RBM10: variants seen among roughly 807,000 people sequenced by gnomAD.
RBM10 encodes RNA binding motif protein 10, also known as RNA-binding protein 10.
A neutral mutation model predicts 84.9 loss-of-function variants in RBM10; 1 was observed. The ratio of observed to expected loss-of-function variants is 0.01; its 90% CI spans 0.00 to 0.06. The LOEUF is 0.06. Among genes scored for constraint, RBM10 ranks in the 10% least tolerant of loss-of-function variants. RBM10 has a pLI of 1.00. For missense variants in RBM10, 438 were observed against 839.0 expected (o/e 0.52, Z 5.90); for synonymous variants, 326 against 344.5 (o/e 0.95, Z 0.60).
intron 12 of RBM10, 59 bp from the exon 13 acceptor site, chrX:47,181,155 TC>T: frequency 7.6e-6 from 1 of 131,790 alleles, no homozygotes; most frequent in Non-Finnish European, 1.5e-5. Flanking sequence ...TCTAGCAGGT[TC>T]CCCACCCCCC....
chrX:47,179,485 C>T lies in RBM10; in HGVS notation c.891C>T (p.Asn297=), dbSNP rs954285694. ...LSQGSEPSSE[N]ANDTIILRNL... ...AGGGCTCGGAGCCAAGCTCAGAGAA[C>T]GCCAATGACAGTGAGTCAGTTGTTC... Residue 297 remains asparagine, a synonymous_variant, in exon 9 of 24, where the codon AAC becomes AAT. Coordinates refer to ENST00000377604, the MANE Select transcript of RBM10 (RefSeq NM_005676.5). The T allele has an allele frequency of 1.7e-6, 2 of 1,200,582 alleles. No homozygotes were observed. Among genetic ancestry groups the T allele is most frequent in the South Asian group, 1.8e-5 (1 of 56,644 alleles).
chrX:47,171,888 C>T (rs986523103), intron 4 of RBM10, among the ~76,000 whole-genome samples: 8 of 111,684 alleles, frequency 7.2e-5, no homozygotes, highest in Non-Finnish European at 1.5e-4. Context: ...TCTACTCCGC[C>T]GCCCCTCACC....
At chrX:47,152,462 T>C (rs1294646769) in intron 2 of RBM10, among the ~76,000 whole-genome samples, 1 of 97,401 alleles carries the variant, frequency 1.0e-5, no homozygotes, top group East Asian at 3.2e-4. Context: ...TTTTTTTTTT[T>C]TTTTGAGACG....
intron 2 of RBM10, among the ~76,000 whole-genome samples, chrX:47,152,441 CTTTTTTTTTTT>C (rs782688935): frequency 1.5e-5 from 1 of 65,241 alleles, no homozygotes; most frequent in African/African-American, 7.2e-5. Flanking sequence ...CACTCTATAT[CTTTTTTTTTTT>C]TTTTTTTTTT....
intron 2 of RBM10, among the ~76,000 whole-genome samples, chrX:47,167,228 T>G (rs1206474599): frequency 9.0e-6 from 1 of 111,197 alleles, no homozygotes; most frequent in Non-Finnish European, 1.9e-5. Flanking sequence ...TATTTTTCTG[T>G]TTTTTTCTCC....
intron 2 of RBM10, chrX:47,157,286 C>T: frequency 3.0e-6 from 1 of 329,673 alleles, no homozygotes; most frequent in Non-Finnish European, 5.9e-6. Flanking sequence ...ACTTGCTGAC[C>T]ACGAACACCT....
intron 17 of RBM10, among the ~76,000 whole-genome samples, chrX:47,184,084 C>A (rs1402336920): frequency 8.9e-6 from 1 of 111,934 alleles, no homozygotes; most frequent in Non-Finnish European, 1.9e-5. Flanking sequence ...CCTTTGTGAC[C>A]TAATCACCTC....
intron 2 of RBM10, chrX:47,157,360 G>A (rs1481285888): frequency 6.3e-6 from 2 of 315,861 alleles, no homozygotes; most frequent in Non-Finnish European, 1.2e-5. Context: ...ATGCCATTCA[G>A]GCCCTCCTGA....
intron 2 of RBM10, chrX:47,156,578 T>C (rs1556765254): frequency 1.6e-5 from 2 of 125,334 alleles, no homozygotes; most frequent in Non-Finnish European, 3.2e-5. Context: ...GCATCGCCAT[T>C]GGGAGCTGCT....
chrX:47,168,249 C>A (rs1274022411), intron 2 of RBM10, among the ~76,000 whole-genome samples: 2 of 111,584 alleles, frequency 1.8e-5, no homozygotes, highest in African/African-American at 6.5e-5. Flanking sequence ...TTTTAACTCA[C>A]CAAAGAAACA....
At chrX:47,158,800 T>TC (rs1556766004) in intron 2 of RBM10, among the ~76,000 whole-genome samples, 1 of 112,191 alleles carries the variant, frequency 8.9e-6, no homozygotes, top group African/African-American at 3.2e-5. Flanking sequence ...CGACAGATGG[T>TC]CCTTCAGCCC....
rs782336015 is a variant in RBM10, at chrX:47,181,511, C to T, written c.1440C>T (p.Pro480=). 9.9e-6 allele frequency: 12 copies of T among 1,211,558 alleles called. No individual in the cohort carries two copies. Among genetic ancestry groups the T allele is most frequent in the South Asian group, 8.8e-5 (5 of 56,990 alleles). Residue 480 remains proline, a synonymous_variant, in exon 14 of 24, where the codon CCC becomes CCT. Transcript: ENST00000377604. ...CTGCCCTGTCCCTCCTTACAGGTCC[C>T]GAGGCCTCCCTAGAGCCTGGGGCCG... ...GTKGDPTGAG[P]EASLEPGADS...
Position 47,172,999 on chromosome X carries a change from C to T in RBM10, c.433-129C>T, listed in dbSNP as rs1480255989. 16 of 1,156,068 alleles carry T rather than the reference C, an allele frequency of 1.4e-5. No homozygotes were observed. The African/African-American group carries it at 1.6e-4, about 12-fold the overall frequency. ...GCTGTTGTCACTCAGGGAAAAGCTG[C>T]GAAAGAGGCGGAGGAGACTGTGTGC... On this transcript the variant is annotated intron_variant, in intron 4 of 23. Transcript: ENST00000377604.
In RBM10 at chrX:47,171,148, C is replaced by T. The variant is rs1489483300; in HGVS notation, c.322C>T (p.Arg108Trp). The part of the protein sequence containing the change: ...RDGDYRDQDY[R>W]TEQGEEEEEE... ...CGGCGACTATCGGGACCAGGACTATCGGACCGAGCAAGGGGAGGAGGAGGA... is the reference window on the plus strand; with the variant it reads ...CGGCGACTATCGGGACCAGGACTATTGGACCGAGCAAGGGGAGGAGGAGGA... Residue 108 changes from arginine to tryptophan, a missense_variant, in exon 4 of 24, where the codon CGG becomes TGG. By Grantham distance (101) the Arg-to-Trp change is moderately radical. This residue lies in a region of RBM10 where 92 missense variants were observed against 134.3 expected (regional missense o/e 0.69). Transcript: ENST00000377604. The T allele has an allele frequency of 5.0e-6, 6 of 1,209,718 alleles. No individual in the cohort carries two copies. Among genetic ancestry groups the T allele is most frequent in the Non-Finnish European group, 6.7e-6 (6 of 894,798 alleles).
chrX:47,172,112 C>T (rs782556452), intron 4 of RBM10, among the ~76,000 whole-genome samples: 4 of 112,299 alleles, frequency 3.6e-5, no homozygotes, highest in Non-Finnish European at 7.5e-5. Context: ...CCATGGCAGC[C>T]CAGCAGGGAA....
intron 18 of RBM10, 42 bp from the exon 19 acceptor site, chrX:47,185,260 C>A: frequency 8.3e-7 from 1 of 1,211,296 alleles, no homozygotes; most frequent in Non-Finnish European, 1.1e-6. Context: ...TTCCTTTGGG[C>A]CCTCTGTGGA....
At chrX:47,178,353 T>C (rs1935291953) in intron 7 of RBM10, among the ~76,000 whole-genome samples, 1 of 111,333 alleles carries the variant, frequency 9.0e-6, no homozygotes, top group African/African-American at 3.3e-5. Flanking sequence ...GCATCCCAGG[T>C]CAAACCTCCC....
intron 2 of RBM10, chrX:47,157,083 CG>C: frequency 7.2e-6 from 2 of 276,061 alleles, no homozygotes; most frequent in Non-Finnish European, 6.9e-6. Context: ...CCGCAGGGCC[CG>C]GGGGAGTTCC....
chrX:47,147,527 C>T (rs1465008089), intron 2 of RBM10, 29 bp downstream of exon 2: 2 of 1,207,670 alleles, frequency 1.7e-6, no homozygotes, highest in African/African-American at 3.5e-5. Context: ...GCTTCCCAGA[C>T]AGCCTAGGCT....
Sources: allele counts gnomAD v4.1 joint callset (sites outside exome capture counted in the v4.1 genomes callset), GRCh38; gene constraint gnomAD v4.1.1; regional missense constraint gnomAD v4.1.1; transcripts MANE v1.5; gene names NCBI Gene and HGNC (gene_info 2026-07-23, HGNC 2026-07-21).